The following RMP64 variants were observed in gnomAD, a reference collection of about 807,000 sequenced individuals.
RMP64 encodes the protein ribonuclease MRP subunit p64.
the RMP64 span, among the ~76,000 whole-genome samples, chr3:113,017,222 G>T: frequency 1.3e-5 from 2 of 152,058 alleles, no homozygotes; most frequent in African/African-American, 4.8e-5. Context: ...GACTGGGAAA[G>T]AATCTAAACA....
chr3:113,005,384 A>G, the RMP64 span: 1 of 608,314 alleles, frequency 1.6e-6, no homozygotes, highest in Non-Finnish European at 2.9e-6. Context: ...GCTACTTTAA[A>G]TGTAGACTGA....
chr3:113,017,195 T>A, the RMP64 span, among the ~76,000 whole-genome samples: 1 of 152,234 alleles, frequency 6.6e-6, no homozygotes, highest in South Asian at 2.1e-4. Flanking sequence ...AAATGTTTAC[T>A]TGCCTATTAG....
chr3:113,008,171 C>T, the RMP64 span: 2 of 1,613,762 alleles, frequency 1.2e-6, no homozygotes, highest in Middle Eastern at 1.6e-4. Context: ...ATATACCTAC[C>T]TAGTACCTTG....
At chr3:113,016,511 G>A in the RMP64 span, among the ~76,000 whole-genome samples, 19,676 of 151,994 alleles carry the variant, frequency 0.13, 1,737 homozygotes, top group East Asian at 0.29. Context: ...GCTAGAAGGA[G>A]AAATATATTC....
the RMP64 span, chr3:113,014,179 GAAATCC>G: frequency 5.2e-6 from 3 of 573,404 alleles, 1 homozygote; most frequent in South Asian, 6.6e-5. Flanking sequence ...TCAGGGTAGA[GAAATCC>G]AAAGCGCAAG....
chr3:113,019,440 C>G, the RMP64 span: 1,853 of 934,204 alleles, frequency 2.0e-3, 40 homozygotes, highest in East Asian at 0.039. Flanking sequence ...CAGCGTCCCC[C>G]GGGCCGGGAA....
At chr3:113,013,462 G>GTTTTTTTTTTT in the RMP64 span, 1 of 938,230 alleles carries the variant, frequency 1.1e-6, no homozygotes, top group Non-Finnish European at 1.5e-6. Context: ...TTTTTTTTTT[G>GTTTTTTTTTTT]TTTTTTTTTT....
the RMP64 span, chr3:113,003,522 G>A: frequency 1.3e-5 from 2 of 152,194 alleles, no homozygotes; most frequent in East Asian, 3.9e-4. Context: ...CATACAAATT[G>A]TCATTTTGTG....
At chr3:113,009,324 T>TA in the RMP64 span, among the ~76,000 whole-genome samples, 1 of 151,960 alleles carries the variant, frequency 6.6e-6, no homozygotes, top group East Asian at 1.9e-4. Context: ...AAAGGAACTT[T>TA]AAAAAAAAGT....
the RMP64 span, chr3:113,005,856 G>GTGGTTTCTTTTGTCT: frequency 6.2e-7 from 1 of 1,613,860 alleles, no homozygotes; most frequent in South Asian, 1.1e-5. Flanking sequence ...AGAGTCGACT[G>GTGGTTTCTTTTGTCT]CAACTTTCTC....
chr3:113,008,039 A>C, the RMP64 span: 11 of 706,308 alleles, frequency 1.6e-5, no homozygotes, highest in Non-Finnish European at 2.4e-5. Context: ...ATGCAATTGC[A>C]GTTTGAGTAC....
At chr3:113,009,194 C>A in the RMP64 span, among the ~76,000 whole-genome samples, 2 of 152,128 alleles carry the variant, frequency 1.3e-5, no homozygotes, top group Admixed American at 6.6e-5. Context: ...CCCCTTCTTT[C>A]TATATCAAGT....
chr3:113,012,300 C>G, the RMP64 span, among the ~76,000 whole-genome samples: 1 of 152,206 alleles, frequency 6.6e-6, no homozygotes, highest in Non-Finnish European at 1.5e-5. Context: ...CAGAAAGAAT[C>G]AAGTGATACA....
chr3:113,008,956 AC>A, the RMP64 span, among the ~76,000 whole-genome samples: 1 of 152,120 alleles, frequency 6.6e-6, no homozygotes, highest in African/African-American at 2.4e-5. Flanking sequence ...TCGCTACACC[AC>A]CAGATTATCA....
At chr3:113,017,998 G>A in the RMP64 span, among the ~76,000 whole-genome samples, 1 of 152,144 alleles carries the variant, frequency 6.6e-6, no homozygotes, top group South Asian at 2.1e-4. Flanking sequence ...AACTCCCCAT[G>A]TCGCTATGCC....
the RMP64 span, among the ~76,000 whole-genome samples, chr3:113,017,903 T>C: frequency 2.6e-5 from 4 of 152,190 alleles, no homozygotes; most frequent in African/African-American, 7.2e-5. Context: ...CTGTCAGTCA[T>C]TTGGTGTACA....
chr3:113,002,825 C>G, the RMP64 span: 529 of 152,820 alleles, frequency 3.5e-3, 3 homozygotes, highest in Non-Finnish European at 5.2e-3. Flanking sequence ...GGGGTGGCCC[C>G]ACACCTCTTC....
the RMP64 span, chr3:113,010,489 C>T: frequency 1.6e-6 from 1 of 614,604 alleles, no homozygotes. Context: ...AAATCCCTTG[C>T]CTCTATTCAT....
the RMP64 span, chr3:113,017,657 A>G: frequency 5.4e-6 from 8 of 1,478,806 alleles, no homozygotes; most frequent in Admixed American, 9.4e-5. Flanking sequence ...TAAGTATATT[A>G]TATTAAAAAC....
Sources: gnomAD v4.1 joint callset for allele counts (sites outside exome capture counted in the v4.1 genomes callset) on GRCh38, gnomAD v4.1.1 for gene constraint, MANE v1.5 for transcripts, NCBI Gene and HGNC (gene_info 2026-07-23, HGNC 2026-07-21) for gene names.